Variants in SPATS1 observed in about 807,000 individuals in gnomAD.
The protein encoded by SPATS1 is spermatogenesis-associated serine-rich protein 1.
In SPATS1, 23 loss-of-function variants were observed where a neutral mutation model predicts 33.6. The ratio of observed to expected loss-of-function variants is 0.68; its 90% CI spans 0.49 to 0.97. The LOEUF (loss-of-function observed/expected upper bound fraction) is 0.97. SPATS1 is among the 50% of genes least tolerant of loss of function. The pLI is 0.00. For missense variants in SPATS1, 327 were observed against 361.0 expected (o/e 0.91, Z 0.76); for synonymous variants, 131 against 125.6 (o/e 1.04, Z -0.29).
At chr6:44,350,245 G>A (rs918997493) in intron 2 of SPATS1, among the ~76,000 whole-genome samples, 6 of 152,192 alleles carry the variant, frequency 3.9e-5, no homozygotes, top group African/African-American at 7.2e-5. Flanking sequence ...GGGGATTCTC[G>A]TGACTGGGCA....
chr6:44,343,310 T>A, intron 2 of SPATS1, 76 bp downstream of exon 2: 2 of 1,411,402 alleles, frequency 1.4e-6, no homozygotes, highest in Admixed American at 1.7e-5. Flanking sequence ...CGGGGGCAGG[T>A]GGGGGGCACC....
chr6:44,357,563 G>T (rs1224295564), intron 3 of SPATS1, among the ~76,000 whole-genome samples: 1 of 152,040 alleles, frequency 6.6e-6, no homozygotes, highest in Non-Finnish European at 1.5e-5. Context: ...TGTATTTTCA[G>T]TAGAGATGGG....
Position 44,376,890 on chromosome 6 carries a change from T to C in SPATS1, c.875-145T>C, listed in dbSNP as rs1789995618. 8 of 823,012 alleles carry C rather than the reference T, an allele frequency of 9.7e-6. No homozygotes were observed. The South Asian group carries it at 1.1e-4, about 11-fold the overall frequency. 51.0% of individuals were successfully genotyped at this position (823,012 alleles called of 1,614,324 possible). ...ACAGTGGAAAGGAGGGCAGGCAAAG[T>C]ATCTCCTGGAGTGGATGTGTCTTCT... is the stretch of plus-strand genomic sequence containing the variant. On this transcript the variant is annotated intron_variant, in intron 8 of 8. Transcript: ENST00000674044.
At chr6:44,371,825 G>T (rs1250809684) in intron 7 of SPATS1, among the ~76,000 whole-genome samples, 1 of 151,524 alleles carries the variant, frequency 6.6e-6, no homozygotes, top group African/African-American at 2.4e-5. Flanking sequence ...GGCGCCTGTG[G>T]TCCCAGCTAC....
At chr6:44,364,836 C>G (rs1183836573) in intron 5 of SPATS1, among the ~76,000 whole-genome samples, 2 of 150,662 alleles carry the variant, frequency 1.3e-5, no homozygotes, top group African/African-American at 4.9e-5. Flanking sequence ...CTCGCTCTGT[C>G]ACCCAGGCTG....
chr6:44,349,074 T>G (rs1306975569), intron 2 of SPATS1, among the ~76,000 whole-genome samples: 1 of 151,934 alleles, frequency 6.6e-6, no homozygotes, highest in Non-Finnish European at 1.5e-5. Flanking sequence ...GAGGTTGCAG[T>G]GAGCTGAGAT....
chr6:44,355,574 T>C (rs1788540839), intron 3 of SPATS1, among the ~76,000 whole-genome samples: 1 of 152,334 alleles, frequency 6.6e-6, no homozygotes, highest in African/African-American at 2.4e-5. Context: ...GAGTTGCTAT[T>C]GTAAATAGTG....
chr6:44,361,446 C>T (rs1788916450), intron 4 of SPATS1: 1 of 985,426 alleles, frequency 1.0e-6, no homozygotes, highest in South Asian at 4.7e-5. Context: ...CTGGCCTAGC[C>T]ATTTGCTGGT....
intron 7 of SPATS1, among the ~76,000 whole-genome samples, chr6:44,373,767 A>AT (rs1789768316): frequency 2.0e-5 from 3 of 152,234 alleles, no homozygotes. Context: ...TACTTATTGA[A>AT]AAGGTCCCTA....
intron 3 of SPATS1, among the ~76,000 whole-genome samples, chr6:44,358,538 A>G (rs760409420): frequency 1.2e-4 from 18 of 152,154 alleles, no homozygotes; most frequent in Middle Eastern, 6.8e-3. Context: ...TTTTTTTGGT[A>G]ACAGATTTAT....
At chr6:44,375,059 A>G (rs1789844629) in intron 7 of SPATS1, among the ~76,000 whole-genome samples, 1 of 152,192 alleles carries the variant, frequency 6.6e-6, no homozygotes. Flanking sequence ...CCAGAGTCAC[A>G]CTTCCTACTA....
intron 2 of SPATS1, chr6:44,343,625 G>T (rs1787699103): frequency 5.0e-6 from 2 of 399,510 alleles, no homozygotes; most frequent in South Asian, 3.8e-5. Flanking sequence ...TCTTTCCTTT[G>T]CTCAGATATT....
intron 7 of SPATS1, among the ~76,000 whole-genome samples, chr6:44,373,307 T>C (rs1012334850): frequency 1.4e-4 from 21 of 152,232 alleles, no homozygotes; most frequent in African/African-American, 4.8e-4. Context: ...CAGGAATCTC[T>C]TCATTTGCTT....
rs1181922196 is a variant in SPATS1 at position 44,352,794 on chromosome 6, G to A, written c.208G>A (p.Val70Ile). 3 of 1,614,058 alleles carry A rather than the reference G, an allele frequency of 1.9e-6. No homozygotes were observed. Among genetic ancestry groups the A allele is most frequent in the Non-Finnish European group, 2.5e-6 (3 of 1,180,032 alleles). ...CAACACAACACCCTCTGGCAAAAGT[G>A]TCAGTTCCTCATCTTCTGTGGAAAC... Reference protein sequence around the residue: ...FANTTPSGKSVSSSSSVETGP... With the variant: ...FANTTPSGKSISSSSSVETGP... The change falls in exon 3 of 9, where the codon GTC (valine) becomes ATC (isoleucine). Residue 70 changes from valine to isoleucine, a missense_variant. Transcript: ENST00000674044.
intron 2 of SPATS1, among the ~76,000 whole-genome samples, chr6:44,343,973 C>T (rs1037653577): frequency 6.7e-6 from 1 of 149,440 alleles, no homozygotes; most frequent in Non-Finnish European, 1.5e-5. Context: ...CCTCATTCTC[C>T]TTCACAGTGG....
At chr6:44,349,431 G>A (rs761290528) in intron 2 of SPATS1, among the ~76,000 whole-genome samples, 1 of 151,960 alleles carries the variant, frequency 6.6e-6, no homozygotes, top group Non-Finnish European at 1.5e-5. Context: ...ATTTCTGAAT[G>A]TGCATAAGAT....
At position 44,342,695 on chromosome 6, in the gene SPATS1, T is replaced by C. The variant is rs754041834; in HGVS notation, c.-74T>C. On this transcript the variant is annotated 5_prime_UTR_variant, in exon 1 of 9. Transcript: ENST00000674044. ...AAGCAGGCGGCTGCGGTGTCCCTTT[T>C]GCCCTAGGCTCTCGGTTCTCAGGCC... 58 of 458,362 alleles carry C rather than the reference T, an allele frequency of 1.3e-4. No homozygotes were observed. In the East Asian group the frequency reaches 1.5e-3, roughly 12 times the overall value. 28.4% of individuals were successfully genotyped at this position (458,362 alleles called of 1,614,324 possible).
At chr6:44,366,640 A>G (rs1038500970) in intron 5 of SPATS1, among the ~76,000 whole-genome samples, 1 of 152,194 alleles carries the variant, frequency 6.6e-6, no homozygotes, top group African/African-American at 2.4e-5. Context: ...ACTGCTTTGT[A>G]GTGTTACCTT....
intron 2 of SPATS1, among the ~76,000 whole-genome samples, chr6:44,346,620 G>A (rs928312959): frequency 6.6e-6 from 1 of 152,210 alleles, no homozygotes; most frequent in Admixed American, 6.5e-5. Context: ...CTAGCTTCAA[G>A]CAGTCTACCT....
Sources: allele counts gnomAD v4.1 joint callset (sites outside exome capture counted in the v4.1 genomes callset), GRCh38; gene constraint gnomAD v4.1.1; transcripts MANE v1.5; gene names NCBI Gene and HGNC (gene_info 2026-07-23, HGNC 2026-07-21).